The following TENT4B variants were observed in gnomAD, a reference collection of about 807,000 sequenced individuals.
TENT4B encodes PAP associated domain containing 5.
A neutral mutation model predicts 75.0 loss-of-function variants in TENT4B; 10 were observed. The observed-to-expected ratio is 0.13, with a 90% CI of 0.08 to 0.23. The LOEUF is 0.23. Among genes scored for constraint, TENT4B ranks in the 10% least tolerant of loss-of-function variants. The pLI is 1.00. For missense variants in TENT4B, 579 were observed against 893.8 expected (o/e 0.65, Z 4.49); for synonymous variants, 350 against 357.7 (o/e 0.98, Z 0.24).
chr16:50,191,384 G>T (rs923458544), intron 1 of TENT4B, among the ~76,000 whole-genome samples: 3 of 151,772 alleles, frequency 2.0e-5, no homozygotes, highest in African/African-American at 7.3e-5. Context: ...TATTTTTTTT[G>T]ATAGAATAGC....
At chr16:50,174,810 C>G (rs1025224769) in intron 1 of TENT4B, among the ~76,000 whole-genome samples, 2 of 138,458 alleles carry the variant, frequency 1.4e-5, no homozygotes, top group African/African-American at 2.7e-5. Context: ...GTGGCACAAT[C>G]TCGACTCACT....
intron 1 of TENT4B, among the ~76,000 whole-genome samples, chr16:50,181,020 A>T (rs890207003): frequency 1.3e-5 from 2 of 152,262 alleles, no homozygotes; most frequent in Non-Finnish European, 2.9e-5. Flanking sequence ...CAAAATAGTT[A>T]TGTGGGCCAC....
chr16:50,233,257 A>T lies in TENT4B; in HGVS notation c.*3929A>T, dbSNP rs1209324049. ...ATTTATATATGAAATTCCTTAAAAGAGTTCATCTTGCCTTGGTTTCTGACC... is the reference window on the plus strand; with the variant it reads ...ATTTATATATGAAATTCCTTAAAAGTGTTCATCTTGCCTTGGTTTCTGACC... On this transcript the variant is annotated 3_prime_UTR_variant, in exon 12 of 12. Coordinates refer to ENST00000561678, the MANE Select transcript of TENT4B (RefSeq NM_001365324.3). 1.0e-6 allele frequency: 1 copy of T among 985,306 alleles called. No individual in the cohort carries two copies. Among genetic ancestry groups the T allele is most frequent in the African/African-American group, 1.7e-5 (1 of 57,240 alleles). The allele number at this position is 985,306 out of a possible 1,614,324, so 61.0% of individuals were successfully genotyped here.
In TENT4B at chr16:50,211,465, A is replaced by C; in HGVS notation, c.762+19A>C. 6.4e-7 allele frequency: 1 copy of C among 1,557,186 alleles called. No homozygotes were observed. The highest frequency in any genetic ancestry group is 8.6e-7 in the Non-Finnish European group (1 of 1,161,314). On this transcript the variant is annotated intron_variant, in intron 2 of 11. Transcript: ENST00000561678. ...CGCTGACGTGAGTCCCTTCCTGGGT[A>C]GCTTATGCTTCGGACAGTCCTTGTC...
Position 50,234,306 on chromosome 16 carries a change from G to C in TENT4B, c.*4978G>C, listed in dbSNP as rs979950471. ...AAAACCTGAATGGTGAGGTGTGGTG[G>C]AATTGGGTAGGGGAGGGAAAGGAGG... On this transcript the variant is annotated 3_prime_UTR_variant, in exon 12 of 12. Transcript: ENST00000561678. 10 of 985,196 alleles carry C rather than the reference G, an allele frequency of 1.0e-5. No homozygotes were observed. Among genetic ancestry groups the C allele is most frequent in the Non-Finnish European group, 1.1e-5 (9 of 829,940 alleles). 61.0% of individuals were successfully genotyped at this position (985,196 alleles called of 1,614,324 possible). A position where few individuals can be genotyped will look rare whatever the true frequency, so the allele number is the denominator to read the frequency against.
Position 50,229,304 on chromosome 16 carries a change from G to T in TENT4B, c.2118G>T (p.Ala706=). The T allele has an allele frequency of 6.2e-7, 1 of 1,613,518 alleles. No homozygotes were observed. Among genetic ancestry groups the T allele is most frequent in the Non-Finnish European group, 8.5e-7 (1 of 1,179,718 alleles). ...AAAAGAGGAAACACAAGAGGGACGC[G>T]CCCCTCTCAGACCTCTGTAGATAGT... ...HGKKRKHKRD[A]PLSDLCR Residue 706 remains alanine (A), a synonymous_variant, in exon 12 of 12, where the codon GCG becomes GCT. Transcript: ENST00000561678.
At chr16:50,222,603 G>A (rs1164298996) in intron 6 of TENT4B, among the ~76,000 whole-genome samples, 169 bp downstream of exon 6, 2 of 152,162 alleles carry the variant, frequency 1.3e-5, no homozygotes, top group Admixed American at 6.5e-5. Context: ...TAGCAAATAT[G>A]TATTTTTAAA....
chr16:50,167,724 C>T (rs2038129260), intron 1 of TENT4B, among the ~76,000 whole-genome samples: 1 of 151,290 alleles, frequency 6.6e-6, no homozygotes, highest in South Asian at 2.1e-4. Context: ...GTGGTGTGAT[C>T]TTGGCTTACT....
intron 11 of TENT4B, among the ~76,000 whole-genome samples, chr16:50,228,628 C>T (rs954807354): frequency 2.6e-5 from 4 of 152,124 alleles, no homozygotes; most frequent in African/African-American, 9.7e-5. Flanking sequence ...AACCTTGTGT[C>T]TGATTTGACT....
rs1325653872 is a variant in TENT4B at position 50,156,836 on chromosome 16, A to C, written c.638+2577A>C. ...ACACCTGCCTAATTTTTTTATTTTT[A>C]CTTTTTGTAGAGATGGGGCCTCCAT... On this transcript the variant is annotated intron_variant, in intron 1 of 11. Transcript: ENST00000561678. Among the ~76,000 whole-genome samples, 3 of 150,994 alleles carry C rather than the reference A, an allele frequency of 2.0e-5. No individual in the cohort carries two copies. The East Asian group carries it at 5.9e-4, about 30-fold the overall frequency.
chr16:50,209,270 C>T lies in TENT4B; in HGVS notation c.639-2053C>T, dbSNP rs116589546. 3.9e-3 allele frequency among the ~76,000 whole-genome samples: 588 copies of T among 152,290 alleles called. 10 individuals carry two copies. The highest frequency in any genetic ancestry group is 0.014 in the African/African-American group (564 of 41,556). On this transcript the variant is annotated intron_variant, in intron 1 of 11. Coordinates refer to ENST00000561678, the MANE Select transcript of TENT4B (RefSeq NM_001365324.3). ...ACTACGCAATGAGATAAGAAGCAGT[C>T]CATTTGTTCTGTCGTTTATTCATGG...
At chr16:50,164,216 T>C (rs943688277) in intron 1 of TENT4B, among the ~76,000 whole-genome samples, 8 of 152,114 alleles carry the variant, frequency 5.3e-5, no homozygotes, top group Non-Finnish European at 1.2e-4. Context: ...CCATTTTGGC[T>C]GGTTTTGAAC....
chr16:50,167,126 T>C (rs778469837), intron 1 of TENT4B, among the ~76,000 whole-genome samples: 1 of 152,138 alleles, frequency 6.6e-6, no homozygotes, highest in Non-Finnish European at 1.5e-5. Flanking sequence ...GGGTGTCCAA[T>C]CTTTTGACTT....
intron 1 of TENT4B, among the ~76,000 whole-genome samples, chr16:50,181,209 A>G (rs1462358915): frequency 6.6e-6 from 1 of 152,148 alleles, no homozygotes; most frequent in Non-Finnish European, 1.5e-5. Flanking sequence ...AAGACAGAAT[A>G]TTTATATTGT....
chr16:50,153,145 C>G (rs1252210937), upstream of TENT4B: 2 of 459,860 alleles, frequency 4.3e-6, no homozygotes, highest in African/African-American at 3.1e-5. Flanking sequence ...TGCTGCGCGG[C>G]GCAGCGGGGG....
intron 1 of TENT4B, among the ~76,000 whole-genome samples, chr16:50,203,668 A>G (rs2030786933): frequency 6.6e-6 from 1 of 152,054 alleles, no homozygotes; most frequent in Non-Finnish European, 1.5e-5. Flanking sequence ...TCTCAGCCAC[A>G]CTGTGTGAGC....
chr16:50,211,186 C>T (rs1439100409), intron 1 of TENT4B, 137 bp from the exon 2 acceptor site: 6 of 923,704 alleles, frequency 6.5e-6, no homozygotes, highest in African/African-American at 1.8e-5. Context: ...CCCATTTTAG[C>T]TTATCTTGAG....
chr16:50,225,942 A>G (rs903038543), intron 10 of TENT4B, among the ~76,000 whole-genome samples: 13 of 150,552 alleles, frequency 8.6e-5, no homozygotes, highest in African/African-American at 3.2e-4. Context: ...TCAACCTCCT[A>G]AATTGCTGGG....
intron 1 of TENT4B, among the ~76,000 whole-genome samples, chr16:50,189,396 T>G (rs2038596738): frequency 6.6e-6 from 1 of 152,222 alleles, no homozygotes; most frequent in Admixed American, 6.5e-5. Context: ...AGAAAGAACC[T>G]TCATGTCCCT....
Sources: allele counts gnomAD v4.1 joint callset (sites outside exome capture counted in the v4.1 genomes callset), GRCh38; gene constraint gnomAD v4.1.1; transcripts MANE v1.5; gene names NCBI Gene and HGNC (gene_info 2026-07-23, HGNC 2026-07-21).